Variants in PTGDR observed in about 807,000 individuals in gnomAD.
PTGDR encodes the protein prostaglandin D2 receptor, also known as PGD2 receptor.
Under a neutral mutation model 17.4 loss-of-function variants are expected in PTGDR, and 19 were observed. The ratio of observed to expected loss-of-function variants is 1.09; its 90% confidence interval spans 0.76 to 1.60. The LOEUF is 1.60. Ranked by LOEUF, PTGDR falls within the 40% of genes most tolerant of loss-of-function variation. The probability of loss-of-function intolerance (pLI) is 0.00; values close to 1 mark genes in which losing one functional copy is unlikely to be tolerated. For missense variants in PTGDR, 526 were observed against 481.9 expected (o/e 1.09, Z -0.86); for synonymous variants, 267 against 224.2 (o/e 1.19, Z -1.71).
rs778655103 is a variant in PTGDR, at chr14:52,267,831, A to T, written c.17A>T (p.Tyr6Phe). Reference protein sequence around the residue: MKSPFYRCQNTTSVEK... With the variant: MKSPFFRCQNTTSVEK... ...CCGCACGCCATGAAGTCGCCGTTCTACCGCTGCCAGAACACCACCTCTGTG... is the reference window on the plus strand; with the variant it reads ...CCGCACGCCATGAAGTCGCCGTTCTTCCGCTGCCAGAACACCACCTCTGTG... The change falls in exon 1 of 2, where the codon TAC becomes TTC. Residue 6 changes from tyrosine to phenylalanine, a missense_variant. Transcript: ENST00000306051. The T allele has an allele frequency of 9.8e-5, 153 of 1,568,518 alleles. No individual in the cohort carries two copies. Among genetic ancestry groups the T allele is most frequent in the Admixed American group, 2.5e-4 (14 of 55,520 alleles).
intron 1 of PTGDR, among the ~76,000 whole-genome samples, chr14:52,274,075 A>G (rs1019944030): frequency 1.7e-4 from 26 of 151,378 alleles, no homozygotes. Flanking sequence ...AGATTGAACA[A>G]GAAAAAAAAA....
chr14:52,277,108 G>C (rs781155378), downstream of PTGDR, among the ~76,000 whole-genome samples: 1 of 152,090 alleles, frequency 6.6e-6, no homozygotes, highest in Non-Finnish European at 1.5e-5. Flanking sequence ...AGTTGATTAG[G>C]GGCTGAGGAA....
At chr14:52,271,195 C>T (rs1229287709) in intron 1 of PTGDR, among the ~76,000 whole-genome samples, 1 of 152,132 alleles carries the variant, frequency 6.6e-6, no homozygotes, top group Non-Finnish European at 1.5e-5. Flanking sequence ...ACATTCATCA[C>T]CTAGCCCAGT....
chr14:52,280,621 AG>A (rs1410902330), downstream of PTGDR, among the ~76,000 whole-genome samples: 3 of 152,226 alleles, frequency 2.0e-5, no homozygotes, highest in Non-Finnish European at 2.9e-5. Context: ...GTGGGGACAT[AG>A]GAGAGAACTC....
At chr14:52,268,710 G>A (rs1266058948) in intron 1 of PTGDR, 50 bp downstream of exon 1, 2 of 1,509,544 alleles carry the variant, frequency 1.3e-6, no homozygotes, top group African/African-American at 1.4e-5. Flanking sequence ...GTCCGGCCGC[G>A]GATGCGGGGC....
At chr14:52,280,164 C>T (rs1001592577), downstream of PTGDR, among the ~76,000 whole-genome samples, 1 of 152,098 alleles carries the variant, frequency 6.6e-6, no homozygotes, top group Non-Finnish European at 1.5e-5. Context: ...GTATAAACAC[C>T]TGGGCAAACA....
At chr14:52,274,177 C>T (rs1385993645) in intron 1 of PTGDR, among the ~76,000 whole-genome samples, 2 of 128,218 alleles carry the variant, frequency 1.6e-5, no homozygotes. Context: ...CAAGTCATCT[C>T]AGGTCTTTTC....
chr14:52,274,824 G>A lies in PTGDR; in HGVS notation c.940G>A (p.Val314Met). ...CCTCCGAGCCTTGCGATTTCTATCT[G>A]TGATTTCAATTGTGGACCCTTGGAT... ...EDLRALRFLS[V>M]ISIVDPWIFI... Residue 314 changes from valine to methionine, a missense_variant, in exon 2 of 2, where the codon GTG becomes ATG. Transcript: ENST00000306051. 1 of 1,612,748 alleles carries A rather than the reference G, an allele frequency of 6.2e-7. No individual in the cohort carries two copies. The highest frequency in any genetic ancestry group is 8.5e-7 in the Non-Finnish European group (1 of 1,178,740).
chr14:52,274,947 A>C lies in PTGDR; in HGVS notation c.1063A>C (p.Met355Leu), dbSNP rs200003498. ...GAGCCGGTGCAGCAATTCCACTAAC[A>C]TGGAATCCAGTCTGTGACAGTGTTT... The part of the protein sequence containing the change: ...YRSRCSNSTN[M>L]ESSL Residue 355 changes from methionine to leucine, a missense_variant, in exon 2 of 2, where the codon ATG (methionine) becomes CTG (leucine). Met to Leu is a conservative substitution (Grantham distance 15). Transcript: ENST00000306051. 1 of 1,573,042 alleles carries C rather than the reference A, an allele frequency of 6.4e-7. No individual in the cohort carries two copies. Among genetic ancestry groups the C allele is most frequent in the Non-Finnish European group, 8.7e-7 (1 of 1,143,926 alleles).
rs1475042117 is a variant in PTGDR, at chr14:52,274,930, G to A, written c.1046G>A (p.Cys349Tyr). 3.8e-6 allele frequency: 6 copies of A among 1,594,558 alleles called. No individual in the cohort carries two copies. The highest frequency in any genetic ancestry group is 5.2e-6 in the Non-Finnish European group (6 of 1,163,014). The change falls in exon 2 of 2, where the codon TGC (cysteine) becomes TAC (tyrosine). Residue 349 changes from cysteine (C) to tyrosine (Y), a missense_variant. Cys to Tyr is a radical substitution (Grantham distance 194, BLOSUM62 -2). Transcript: ENST00000306051. ...FIRPLRYRSR[C>Y]SNSTNMESSL ...AGACCTCTTAGGTACAGGAGCCGGT[G>A]CAGCAATTCCACTAACATGGAATCC...
Position 52,276,443 on chromosome 14 carries a change from A to G in PTGDR, c.*1479A>G, listed in dbSNP as rs2033427378. 1 of 152,206 alleles carries G rather than the reference A, an allele frequency of 6.6e-6. No individual in the cohort carries two copies. The highest frequency in any genetic ancestry group is 2.4e-5 in the African/African-American group (1 of 41,444). 9.4% of individuals were successfully genotyped at this position (152,206 alleles called of 1,614,324 possible). On this transcript the variant is annotated 3_prime_UTR_variant, in exon 2 of 2. Transcript: ENST00000306051. ...TTTTCCAGTATCTGAGATAATATAA[A>G]GCTGGGTAATTTTTTATGTAATTTT...
rs1264774973 is a variant in PTGDR, at chr14:52,268,255, C to T, written c.441C>T (p.Arg147=). Residue 147 remains arginine, a synonymous_variant, in exon 1 of 2, where the codon CGC becomes CGT. Transcript: ENST00000306051. ...TCTACCGACGGCACATCACCCTGCG[C>T]CTGGGCGCACTGGTGGCCCCGGTGG... The part of the protein sequence containing the change: ...PFFYRRHITL[R]LGALVAPVVS... 14 of 1,614,040 alleles carry T rather than the reference C, an allele frequency of 8.7e-6. No individual in the cohort carries two copies. The highest frequency in any genetic ancestry group is 1.1e-5 in the Non-Finnish European group (13 of 1,180,050).
At chr14:52,273,165 A>G (rs1243917224) in intron 1 of PTGDR, among the ~76,000 whole-genome samples, 1 of 151,740 alleles carries the variant, frequency 6.6e-6, no homozygotes, top group African/African-American at 2.4e-5. Flanking sequence ...GGCGCCCACC[A>G]CCATGCCCGG....
chr14:52,268,665 G>A lies in PTGDR; in HGVS notation c.846+5G>A. 6.4e-7 allele frequency: 1 copy of A among 1,557,150 alleles called. No homozygotes were observed. Among genetic ancestry groups the A allele is most frequent in the Admixed American group, 1.9e-5 (1 of 53,718 alleles). On this transcript the variant is annotated splice_donor_5th_base_variant and intron_variant, in intron 1 of 1. Coordinates refer to ENST00000306051, the MANE Select transcript of PTGDR (RefSeq NM_000953.3). ...ATGTGTTCTCTGCCCGTAATTGTGA[G>A]TCCCCGGGCCCCGAGGCAGCAGGGC...
At chr14:52,279,794 TA>T (rs148188518), downstream of PTGDR, among the ~76,000 whole-genome samples, 1,772 of 148,916 alleles carry the variant, frequency 0.012, 28 homozygotes, top group African/African-American at 0.04. Flanking sequence ...ATAATAAAAT[TA>T]AAAAAAAAAT....
chr14:52,276,895 C>T (rs1423329173), downstream of PTGDR, among the ~76,000 whole-genome samples: 11 of 152,168 alleles, frequency 7.2e-5, no homozygotes, highest in Admixed American at 7.2e-4. Context: ...ACTTTACTTA[C>T]ATTTCATTAC....
rs200561603 is a variant in PTGDR, at chr14:52,268,264, A to C, written c.450A>C (p.Ala150=). 1 of 1,613,998 alleles carries C rather than the reference A, an allele frequency of 6.2e-7. No individual in the cohort carries two copies. Among genetic ancestry groups the C allele is most frequent in the Non-Finnish European group, 8.5e-7 (1 of 1,180,040 alleles). Residue 150 remains alanine (A), a synonymous_variant, in exon 1 of 2, where the codon GCA becomes GCC. Transcript: ENST00000306051. The part of the protein sequence containing the change: ...YRRHITLRLG[A]LVAPVVSAFS... ...GGCACATCACCCTGCGCCTGGGCGC[A>C]CTGGTGGCCCCGGTGGTGAGCGCCT...
intron 1 of PTGDR, among the ~76,000 whole-genome samples, chr14:52,268,894 G>A (rs1362699579): frequency 6.6e-6 from 1 of 152,178 alleles, no homozygotes; most frequent in Admixed American, 6.5e-5. Context: ...GGCTGAGCCC[G>A]GCGGTGTCTC....
rs1289947511 is a variant in PTGDR, at chr14:52,275,303, A to G, written c.*339A>G. ...TTTTTTTTTAGAGAGGCCTTGAGAC[A>G]TACAGGTCTTTTAAAATACAGTAGA... On this transcript the variant is annotated 3_prime_UTR_variant, in exon 2 of 2. Transcript: ENST00000306051. 5.0e-6 allele frequency: 1 copy of G among 200,448 alleles called. No homozygotes were observed. The highest frequency in any genetic ancestry group is 1.0e-5 in the Non-Finnish European group (1 of 98,214). The allele number at this position is 200,448 out of a possible 1,614,324, so 12.4% of individuals were successfully genotyped here. A position where few individuals can be genotyped will look rare whatever the true frequency, so the allele number is the denominator to read the frequency against.
Sources: gnomAD v4.1 joint callset for allele counts (sites outside exome capture counted in the v4.1 genomes callset) on GRCh38, gnomAD v4.1.1 for gene constraint, MANE v1.5 for transcripts, NCBI Gene and HGNC (gene_info 2026-07-23, HGNC 2026-07-21) for gene names.